The following LDLRAD4 variants were observed in gnomAD, a reference collection of about 807,000 sequenced individuals.
LDLRAD4 encodes low density lipoprotein receptor class A domain containing 4.
Under a neutral mutation model 17.0 loss-of-function variants are expected in LDLRAD4, and 5 were observed. The ratio of observed to expected loss-of-function variants is 0.29; its 90% CI spans 0.15 to 0.62. The LOEUF (loss-of-function observed/expected upper bound fraction) is 0.62, where lower values mean the gene tolerates loss of function less well. Among genes scored for constraint, LDLRAD4 ranks in the 20% least tolerant of loss-of-function variants. The pLI is 0.84. For missense variants in LDLRAD4, 340 were observed against 424.7 expected (o/e 0.80, Z 1.75); for synonymous variants, 168 against 171.8 (o/e 0.98, Z 0.17).
chr18:13,306,505 A>G (rs543747907), intron 1 of LDLRAD4, among the ~76,000 whole-genome samples: 2 of 152,350 alleles, frequency 1.3e-5, no homozygotes, highest in East Asian at 3.9e-4. Context: ...TTGCCCTCAA[A>G]TAAGACATCT....
At chr18:13,624,718 T>C (rs2040967632) in intron 4 of LDLRAD4, among the ~76,000 whole-genome samples, 1 of 152,090 alleles carries the variant, frequency 6.6e-6, no homozygotes. Flanking sequence ...TGACCACCTG[T>C]GTCAGGAAGC....
At chr18:13,494,935 T>C (rs2147163862) in intron 3 of LDLRAD4, among the ~76,000 whole-genome samples, 1 of 151,822 alleles carries the variant, frequency 6.6e-6, no homozygotes, top group South Asian at 2.1e-4. Context: ...AACGGGCTCA[T>C]ATTCAGCTTA....
chr18:13,385,915 C>T (rs988705705), intron 1 of LDLRAD4, among the ~76,000 whole-genome samples: 1 of 152,156 alleles, frequency 6.6e-6, no homozygotes, highest in Admixed American at 6.5e-5. Context: ...CCTACTGGGC[C>T]ATACCTTATT....
At chr18:13,302,216 G>A (rs1210990152) in intron 1 of LDLRAD4, among the ~76,000 whole-genome samples, 1 of 152,142 alleles carries the variant, frequency 6.6e-6, no homozygotes, top group African/African-American at 2.4e-5. Flanking sequence ...TGTTTCCAAC[G>A]CAGCCCAGTT....
At chr18:13,291,262 G>T (rs1045327252) in intron 1 of LDLRAD4, among the ~76,000 whole-genome samples, 2 of 152,130 alleles carry the variant, frequency 1.3e-5, no homozygotes, top group African/African-American at 4.8e-5. Context: ...AATGACAAAT[G>T]ACATAATCAG....
chr18:13,472,366 G>A (rs1449440334), intron 3 of LDLRAD4: 2 of 152,274 alleles, frequency 1.3e-5, no homozygotes, highest in African/African-American at 4.8e-5. Context: ...GATAAAAGAA[G>A]TCATTTAAGC....
At chr18:13,289,778 A>G (rs1161389320) in intron 1 of LDLRAD4, among the ~76,000 whole-genome samples, 1 of 152,158 alleles carries the variant, frequency 6.6e-6, no homozygotes, top group Non-Finnish European at 1.5e-5. Flanking sequence ...GCCAGATGTA[A>G]ATTCCTTCTT....
At chr18:13,639,873 A>T in intron 4 of LDLRAD4, among the ~76,000 whole-genome samples, 1 of 152,206 alleles carries the variant, frequency 6.6e-6, no homozygotes, top group Non-Finnish European at 1.5e-5. Context: ...ACTGGTGGTG[A>T]TAGAGGAAAG....
chr18:13,245,222 A>G (rs570111330), intron 1 of LDLRAD4, among the ~76,000 whole-genome samples: 1 of 152,236 alleles, frequency 6.6e-6, no homozygotes, highest in East Asian at 1.9e-4. Flanking sequence ...GGCTGTACGG[A>G]TGCATGTGTG....
chr18:13,410,709 A>G (rs1202012155), intron 2 of LDLRAD4, among the ~76,000 whole-genome samples: 1 of 152,226 alleles, frequency 6.6e-6, no homozygotes, highest in East Asian at 1.9e-4. Context: ...CTAACAATCT[A>G]AGAGATAAGG....
intron 3 of LDLRAD4, among the ~76,000 whole-genome samples, chr18:13,598,358 G>A (rs376716298): frequency 6.6e-6 from 1 of 152,210 alleles, no homozygotes; most frequent in Non-Finnish European, 1.5e-5. Context: ...TCATATTTCT[G>A]TCAAGCTGTC....
At chr18:13,324,354 G>T (rs1217462761) in intron 1 of LDLRAD4, among the ~76,000 whole-genome samples, 1 of 151,710 alleles carries the variant, frequency 6.6e-6, no homozygotes, top group Non-Finnish European at 1.5e-5. Flanking sequence ...ATGTTAGCCA[G>T]TATGGTCTCC....
chr18:13,230,818 T>A (rs2042033911), intron 1 of LDLRAD4, among the ~76,000 whole-genome samples: 1 of 152,260 alleles, frequency 6.6e-6, no homozygotes, highest in Non-Finnish European at 1.5e-5. Context: ...TTTGCCGCCC[T>A]GACTCTCCTA....
rs113346980 is a variant in LDLRAD4 at position 13,499,355 on chromosome 18, G to A, written c.181+60971G>A. On this transcript the variant is annotated intron_variant, in intron 3 of 5. Transcript: ENST00000359446. ...ATACTGGAGAATCCTTGCCACACAC[G>A]TCCTGCCGTGGACACTGGAGAATCC... Among the ~76,000 whole-genome samples the A allele has an allele frequency of 3.5e-3, 431 of 121,990 alleles. 11 individuals carry two copies. The highest frequency in any genetic ancestry group is 0.013 in the African/African-American group (395 of 30,920). 80.0% of individuals were successfully genotyped at this position (121,990 alleles called of 152,430 possible). A position where few individuals can be genotyped will look rare whatever the true frequency, so the allele number is the denominator to read the frequency against.
intron 1 of LDLRAD4, among the ~76,000 whole-genome samples, chr18:13,325,178 TA>T (rs2081452918): frequency 1.3e-5 from 2 of 152,192 alleles, no homozygotes; most frequent in Admixed American, 6.5e-5. Flanking sequence ...TGTATAGGAA[TA>T]AAAGGAAAGT....
chr18:13,611,792 C>T (rs2039583818), intron 3 of LDLRAD4: 24 of 985,480 alleles, frequency 2.4e-5, no homozygotes, highest in Non-Finnish European at 2.9e-5. Context: ...AAGAGCGAGC[C>T]GGGGGGAAAG....
intron 3 of LDLRAD4, among the ~76,000 whole-genome samples, chr18:13,508,504 A>G (rs561090945): frequency 1.5e-4 from 23 of 152,340 alleles, no homozygotes; most frequent in Non-Finnish European, 3.1e-4. Context: ...CTAGGGGCTA[A>G]TGCAGCTGGA....
intron 1 of LDLRAD4, among the ~76,000 whole-genome samples, chr18:13,263,251 C>T (rs1422637633): frequency 1.4e-5 from 2 of 147,250 alleles, no homozygotes; most frequent in African/African-American, 2.5e-5. Context: ...TGCGGCTCTG[C>T]GTGGAAACCG....
chr18:13,624,151 C>T (rs959498339), intron 4 of LDLRAD4, among the ~76,000 whole-genome samples: 21 of 151,166 alleles, frequency 1.4e-4, no homozygotes, highest in East Asian at 2.0e-4. Context: ...GCGGAGGAGC[C>T]GGCCCCACCA....
Sources: gnomAD v4.1 joint callset for allele counts (sites outside exome capture counted in the v4.1 genomes callset) on GRCh38, gnomAD v4.1.1 for gene constraint, MANE v1.5 for transcripts, NCBI Gene and HGNC (gene_info 2026-07-23, HGNC 2026-07-21) for gene names.